The following IHO1 variants were observed in gnomAD, a reference collection of about 807,000 sequenced individuals.
IHO1 encodes the protein interactor of HORMAD1 1, also known as interactor of HORMAD1 protein 1.
IHO1 carries 13 observed loss-of-function variants against 31.0 expected under a neutral mutation model. The ratio of observed to expected loss-of-function variants is 0.42; its 90% CI spans 0.27 to 0.67. The LOEUF (loss-of-function observed/expected upper bound fraction) is 0.67. Among genes scored for constraint, IHO1 ranks in the 30% least tolerant of loss-of-function variants. IHO1 has a pLI of 0.24. For missense variants in IHO1, 599 were observed against 687.5 expected, an observed-to-expected ratio of 0.87 and a Z score of 1.44; for synonymous variants, 221 against 248.4, an observed-to-expected ratio of 0.89 and a Z score of 1.04.
chr3:49,216,200 T>A (rs2046284739), intron 2 of IHO1, among the ~76,000 whole-genome samples: 1 of 152,190 alleles, frequency 6.6e-6, no homozygotes, highest in African/African-American at 2.4e-5. Flanking sequence ...GGAAGACAAT[T>A]TTTCCACAGA....
At chr3:49,239,685 G>A (rs1014970216) in intron 3 of IHO1, among the ~76,000 whole-genome samples, 5 of 143,426 alleles carry the variant, frequency 3.5e-5, no homozygotes, top group South Asian at 4.4e-4. Context: ...TTTTTGAGAC[G>A]GAGTTTTGCT....
intron 2 of IHO1, among the ~76,000 whole-genome samples, chr3:49,221,164 G>A (rs189989633): frequency 5.5e-4 from 82 of 149,860 alleles, no homozygotes; most frequent in Admixed American, 4.0e-3. Flanking sequence ...GTGCTGATTG[G>A]TGCATTTTTA....
intron 3 of IHO1, among the ~76,000 whole-genome samples, chr3:49,240,415 G>A (rs1286757503): frequency 1.3e-5 from 2 of 152,144 alleles, no homozygotes; most frequent in Non-Finnish European, 2.9e-5. Flanking sequence ...GTAGAGACAG[G>A]GTTTCGCCAA....
At position 49,236,797 on chromosome 3, in the gene IHO1, T is replaced by C. The variant is rs2046565138; in HGVS notation, c.231+75T>C. 3.5e-6 allele frequency: 5 copies of C among 1,423,614 alleles called. No homozygotes were observed. The South Asian group carries it at 5.5e-5, about 16-fold the overall frequency. The allele number at this position is 1,423,614 out of a possible 1,614,324, so 88.2% of individuals were successfully genotyped here. On this transcript the variant is annotated intron_variant, in intron 3 of 7. Transcript: ENST00000452691. ...GAGATAAACTATAAAGAATACTTAT[T>C]CTGGCCAGGTGCAATGGCTGACACC...
chr3:49,202,872 T>C (rs2046088037), intron 1 of IHO1, among the ~76,000 whole-genome samples: 1 of 147,532 alleles, frequency 6.8e-6, no homozygotes, highest in Admixed American at 6.8e-5. Context: ...TTTTTTTTTT[T>C]TGAGACGGAG....
chr3:49,213,265 G>A (rs113747955), intron 2 of IHO1, among the ~76,000 whole-genome samples: 1 of 151,200 alleles, frequency 6.6e-6, no homozygotes, highest in Non-Finnish European at 1.5e-5. Flanking sequence ...CTTGAGCTAG[G>A]CACAGAGTGC....
intron 6 of IHO1, among the ~76,000 whole-genome samples, chr3:49,249,305 C>T (rs1460986190): frequency 6.6e-6 from 1 of 151,016 alleles, no homozygotes; most frequent in Non-Finnish European, 1.5e-5. Flanking sequence ...GAGTTTCGCT[C>T]TGTCACCCAG....
intron 3 of IHO1, among the ~76,000 whole-genome samples, chr3:49,239,217 C>A (rs1399802099): frequency 6.6e-6 from 1 of 152,014 alleles, no homozygotes; most frequent in African/African-American, 2.4e-5. Context: ...AGTGATCCAC[C>A]TGCATTGGCC....
At chr3:49,240,798 C>T (rs1237799864) in intron 3 of IHO1, among the ~76,000 whole-genome samples, 1 of 152,172 alleles carries the variant, frequency 6.6e-6, no homozygotes, top group African/African-American at 2.4e-5. Flanking sequence ...AGTGGCTCAC[C>T]ATTTGTCAGC....
At chr3:49,211,619 G>A (rs1377256011) in intron 1 of IHO1, 147 bp from the exon 2 acceptor site, 3 of 349,906 alleles carry the variant, frequency 8.6e-6, no homozygotes, top group Admixed American at 4.8e-5. Flanking sequence ...GCAAAACTCC[G>A]TCTCAAAAAA....
intron 1 of IHO1, among the ~76,000 whole-genome samples, chr3:49,204,211 A>C (rs1043051155): frequency 6.6e-6 from 1 of 152,160 alleles, no homozygotes; most frequent in Non-Finnish European, 1.5e-5. Context: ...CTACCTCTTA[A>C]TACTATCACA....
intron 6 of IHO1, 66 bp downstream of exon 6, chr3:49,244,799 C>A (rs1418372462): frequency 5.0e-6 from 7 of 1,411,882 alleles, no homozygotes; most frequent in African/African-American, 2.8e-5. Context: ...AACTTTCTGA[C>A]CCCAGCCTGG....
intron 4 of IHO1, among the ~76,000 whole-genome samples, chr3:49,243,088 T>G (rs1474635708): frequency 6.6e-6 from 1 of 151,994 alleles, no homozygotes; most frequent in Non-Finnish European, 1.5e-5. Flanking sequence ...TGTCTGTTGA[T>G]CTTCTGTTCA....
At chr3:49,232,150 G>A (rs1575578639) in intron 2 of IHO1, among the ~76,000 whole-genome samples, 1 of 152,282 alleles carries the variant, frequency 6.6e-6, no homozygotes, top group South Asian at 2.1e-4. Flanking sequence ...TACTAGCCAA[G>A]CTCTAGCTAC....
At chr3:49,211,623 CAAAA>C (rs796140342) in intron 1 of IHO1, 139 bp from the exon 2 acceptor site, 1 of 280,618 alleles carries the variant, frequency 3.6e-6, no homozygotes, top group East Asian at 6.8e-5. Flanking sequence ...AACTCCGTCT[CAAAA>C]AAAAAAAACA....
At chr3:49,214,319 G>A (rs2046258226) in intron 2 of IHO1, among the ~76,000 whole-genome samples, 1 of 151,958 alleles carries the variant, frequency 6.6e-6, no homozygotes, top group South Asian at 2.1e-4. Flanking sequence ...GCTCATTGAG[G>A]TATTGTCCTC....
intron 1 of IHO1, chr3:49,200,475 A>AAAGAAAGAAGGAAAGAAAG (rs367907809): frequency 3.9e-5 from 4 of 103,858 alleles, no homozygotes; most frequent in Admixed American, 2.5e-4. Flanking sequence ...AAAAAAAAAA[A>AAAGAAAGAAGGAAAGAAAG]AAAGAAAGAA....
rs1187704109 is a variant in IHO1, at chr3:49,219,558, T to G, written c.56+7722T>G. On this transcript the variant is annotated intron_variant, in intron 2 of 7. Coordinates refer to ENST00000452691, the MANE Select transcript of IHO1 (RefSeq NM_001135197.2). ...CTCTGAAGGCTGTGAGTCCCCTGATTTCCCTTTCCACACTCTATATTTCTG... is the reference window on the plus strand; with the variant it reads ...CTCTGAAGGCTGTGAGTCCCCTGATGTCCCTTTCCACACTCTATATTTCTG... Among the ~76,000 whole-genome samples the G allele has an allele frequency of 3.3e-5, 5 of 152,368 alleles. No individual in the cohort carries two copies. The East Asian group carries it at 9.6e-4, about 29-fold the overall frequency.
chr3:49,235,608 T>C (rs1290885541), intron 2 of IHO1, among the ~76,000 whole-genome samples: 2 of 152,144 alleles, frequency 1.3e-5, no homozygotes, highest in Non-Finnish European at 2.9e-5. Context: ...TCTATTTTAA[T>C]GATGAACAGA....
Sources: gnomAD v4.1 joint callset for allele counts (sites outside exome capture counted in the v4.1 genomes callset) on GRCh38, gnomAD v4.1.1 for gene constraint, MANE v1.5 for transcripts, NCBI Gene and HGNC (gene_info 2026-07-23, HGNC 2026-07-21) for gene names.